The following CSMD1 variants were observed in gnomAD, a reference collection of about 807,000 sequenced individuals.
CSMD1 encodes the protein CUB and sushi domain-containing protein 1.
Under a neutral mutation model 417.5 loss-of-function variants are expected in CSMD1, and 213 were observed. The observed-to-expected ratio is 0.51, with a 90% confidence interval of 0.46 to 0.57. CSMD1 has a LOEUF of 0.57. CSMD1 is among the 20% of genes least tolerant of loss of function. The pLI, the probability that CSMD1 is intolerant of heterozygous loss-of-function variation, is 0.00. For missense variants in CSMD1, 6,923 were observed against 4,529.7 expected (o/e 1.53, Z -15.17); for synonymous variants, 2,862 against 1,736.8 (o/e 1.65, Z -16.11).
chr8:3,920,158 T>A (rs1034236497), intron 5 of CSMD1, among the ~76,000 whole-genome samples: 1 of 152,110 alleles, frequency 6.6e-6, no homozygotes, highest in African/African-American at 2.4e-5. Flanking sequence ...CTTAGTCTTC[T>A]GAGAAGCTGG....
chr8:4,179,009 A>T (rs1798207732), intron 3 of CSMD1, among the ~76,000 whole-genome samples: 1 of 152,172 alleles, frequency 6.6e-6, no homozygotes, highest in Non-Finnish European at 1.5e-5. Flanking sequence ...TGCCCAAGGT[A>T]ATTTATACAT....
intron 7 of CSMD1, among the ~76,000 whole-genome samples, chr8:3,647,984 T>A (rs1797661296): frequency 6.6e-6 from 1 of 152,224 alleles, no homozygotes; most frequent in Admixed American, 6.5e-5. Context: ...ACAGCAGGAT[T>A]TTTCGAGGAG....
At chr8:3,323,874 AGG>A (rs1563272630) in intron 23 of CSMD1, among the ~76,000 whole-genome samples, 4 of 142,164 alleles carry the variant, frequency 2.8e-5, no homozygotes, top group African/African-American at 1.1e-4. Flanking sequence ...CCAGAGACCC[AGG>A]AGGGGGAGTT....
intron 1 of CSMD1, among the ~76,000 whole-genome samples, chr8:4,889,599 A>G (rs73659283): frequency 0.045 from 6,902 of 152,228 alleles, 228 homozygotes; most frequent in South Asian, 0.12. Flanking sequence ...AAAAATAGAA[A>G]AAAAACCATA....
intron 5 of CSMD1, among the ~76,000 whole-genome samples, chr8:3,770,657 C>T (rs760958875): frequency 1.3e-5 from 2 of 152,108 alleles, no homozygotes; most frequent in African/African-American, 2.4e-5. Flanking sequence ...GTGCTTTTTC[C>T]CATCATGACT....
intron 2 of CSMD1, among the ~76,000 whole-genome samples, chr8:4,632,148 G>C (rs999980236): frequency 2.0e-5 from 3 of 152,204 alleles, no homozygotes; most frequent in Admixed American, 6.5e-5. Context: ...GTTACATTAA[G>C]TCACGTTGGG....
At chr8:4,348,681 T>G (rs1002929849) in intron 3 of CSMD1, among the ~76,000 whole-genome samples, 4 of 151,552 alleles carry the variant, frequency 2.6e-5, no homozygotes, top group Non-Finnish European at 5.9e-5. Flanking sequence ...CTCTTTTGCG[T>G]ACATATCCGC....
chr8:4,935,515 T>C (rs552662630), intron 1 of CSMD1, among the ~76,000 whole-genome samples: 28 of 152,338 alleles, frequency 1.8e-4, no homozygotes, highest in African/African-American at 6.3e-4. Context: ...GTTTCATGAA[T>C]GAACGAATGA....
rs756509935 is a variant in CSMD1 at position 4,031,907 on chromosome 8, C to T, written c.608G>A (p.Arg203Lys). 2 of 1,612,648 alleles carry T rather than the reference C, an allele frequency of 1.2e-6. No homozygotes were observed. The highest frequency in any genetic ancestry group is 1.7e-6 in the Non-Finnish European group (2 of 1,179,196). The change falls in exon 4 of 70, where the codon AGA becomes AAA. Residue 203 changes from arginine (R) to lysine (K), a missense_variant and splice_region_variant. By Grantham distance (26) the Arg-to-Lys change is conservative (BLOSUM62 2). Transcript: ENST00000635120. ...CCAGCCCCCTTGTAGCACTGTACCT[C>T]TGCAAAAGGGAGCTGGGAAGTCCCA... ...ASWDFPAPFC[R>K]AEGACGGTLR... is the part of the protein sequence containing the mutation.
chr8:4,494,606 A>G (rs1801888409), intron 2 of CSMD1, among the ~76,000 whole-genome samples: 1 of 152,186 alleles, frequency 6.6e-6, no homozygotes, highest in Admixed American at 6.5e-5. Flanking sequence ...AAATTACACT[A>G]ACTATGGGTT....
intron 37 of CSMD1, among the ~76,000 whole-genome samples, chr8:3,165,155 C>T (rs771958641): frequency 2.0e-5 from 3 of 152,000 alleles, no homozygotes; most frequent in Non-Finnish European, 2.9e-5. Flanking sequence ...CTTCTCCCTT[C>T]GCCAGTGTCA....
chr8:4,024,774 T>C (rs1420672487), intron 4 of CSMD1, among the ~76,000 whole-genome samples: 2 of 152,172 alleles, frequency 1.3e-5, no homozygotes, highest in Admixed American at 6.5e-5. Context: ...TACATAAACA[T>C]ACGTAGTTTA....
chr8:3,495,789 A>C (rs1321147345), intron 10 of CSMD1, among the ~76,000 whole-genome samples: 2 of 152,224 alleles, frequency 1.3e-5, no homozygotes, highest in Admixed American at 1.3e-4. Context: ...CTTTAATGAC[A>C]TTGAGCCAAA....
At chr8:4,584,448 C>T (rs7004942) in intron 2 of CSMD1, among the ~76,000 whole-genome samples, 21,921 of 151,972 alleles carry the variant, frequency 0.14, 2,266 homozygotes, top group African/African-American at 0.29. Flanking sequence ...CAGTTAAAAG[C>T]GACTAGCGTG....
chr8:3,223,824 C>A lies in CSMD1; in HGVS notation c.4389G>T (p.Leu1463Phe). The A allele has an allele frequency of 6.2e-7, 1 of 1,613,764 alleles. No homozygotes were observed. Among genetic ancestry groups the A allele is most frequent in the Non-Finnish European group, 8.5e-7 (1 of 1,179,818 alleles). The change falls in exon 28 of 70, where the codon TTG (leucine) becomes TTT (phenylalanine). Residue 1463 changes from leucine to phenylalanine, a missense_variant. Physicochemically the swap from Leu to Phe is conservative, Grantham distance 22. Transcript: ENST00000635120. ...GATACGGCTGTGGGTAGTTGGGTGA[C>A]AAAATAACACCTGCTGGGCCCGTCA... ...GNLTGPAGVI[L>F]SPNYPQPYPP...
At chr8:4,782,527 A>G (rs1174666649) in intron 1 of CSMD1, among the ~76,000 whole-genome samples, 2 of 152,190 alleles carry the variant, frequency 1.3e-5, no homozygotes, top group African/African-American at 2.4e-5. Flanking sequence ...TAGCAAAACC[A>G]TAAATATGCT....
intron 2 of CSMD1, among the ~76,000 whole-genome samples, chr8:4,467,936 T>C (rs1362178014): frequency 1.3e-5 from 2 of 152,262 alleles, no homozygotes; most frequent in East Asian, 3.9e-4. Flanking sequence ...ATTCCATTCC[T>C]GAACTAACAA....
intron 1 of CSMD1, among the ~76,000 whole-genome samples, chr8:4,831,602 AC>A (rs1800151702): frequency 6.6e-6 from 1 of 152,098 alleles, no homozygotes; most frequent in African/African-American, 2.4e-5. Flanking sequence ...TGTTGACTCC[AC>A]AGCCACCTGG....
At chr8:4,829,258 T>C (rs1488058096) in intron 1 of CSMD1, among the ~76,000 whole-genome samples, 3 of 152,196 alleles carry the variant, frequency 2.0e-5, no homozygotes, top group African/African-American at 4.8e-5. Context: ...TTAATATTTT[T>C]TCAGTTAGAG....
Sources: allele counts gnomAD v4.1 joint callset (sites outside exome capture counted in the v4.1 genomes callset), GRCh38; gene constraint gnomAD v4.1.1; transcripts MANE v1.5; gene names NCBI Gene and HGNC (gene_info 2026-07-23, HGNC 2026-07-21).